USP53: variants seen among roughly 807,000 people sequenced by gnomAD.
The protein encoded by USP53 is ubiquitin carboxyl-terminal hydrolase 53.
Under a neutral mutation model 94.9 loss-of-function variants are expected in USP53, and 71 were observed. The ratio of observed to expected loss-of-function variants is 0.75; its 90% CI spans 0.62 to 0.91. USP53 has a LOEUF of 0.91. USP53 is among the 40% of genes least tolerant of loss of function. The probability of loss-of-function intolerance (pLI) is 0.00; values close to 1 mark genes in which losing one functional copy is unlikely to be tolerated. For missense variants in USP53, 1,173 were observed against 1,281.0 expected, an observed-to-expected ratio of 0.92 and a Z score of 1.29; for synonymous variants, 375 against 422.7, an observed-to-expected ratio of 0.89 and a Z score of 1.39.
chr4:119,278,316 C>T (rs973963880), intron 17 of USP53, among the ~76,000 whole-genome samples: 10 of 151,936 alleles, frequency 6.6e-5, no homozygotes, highest in Admixed American at 3.9e-4. Context: ...AATCGGTCAG[C>T]ATTTGCTTGT....
At chr4:119,266,602 G>T (rs1751159198) in intron 12 of USP53, among the ~76,000 whole-genome samples, 1 of 151,644 alleles carries the variant, frequency 6.6e-6, no homozygotes, top group South Asian at 2.1e-4. Flanking sequence ...TCTTTCTTTT[G>T]GTGAAATGTC....
chr4:119,248,256 G>T (rs969039936), intron 6 of USP53, among the ~76,000 whole-genome samples: 6 of 152,056 alleles, frequency 3.9e-5, no homozygotes, highest in African/African-American at 7.3e-5. Context: ...AATACAGGTT[G>T]GGTATCTCTT....
intron 3 of USP53, among the ~76,000 whole-genome samples, chr4:119,229,446 C>G (rs1398113186): frequency 6.6e-6 from 1 of 151,458 alleles, no homozygotes; most frequent in East Asian, 1.9e-4. Context: ...GGGTCTCTCC[C>G]CTTGAATGTT....
chr4:119,268,216 T>A (rs370810026), intron 13 of USP53, 52 bp from the exon 14 acceptor site: 277 of 1,182,608 alleles, frequency 2.3e-4, no homozygotes, highest in Non-Finnish European at 3.0e-4. Flanking sequence ...GATTCAAACA[T>A]CTCTTCTCAT....
chr4:119,273,691 G>T lies in USP53; in HGVS notation c.2234G>T (p.Ser745Ile), dbSNP rs745365270. 1.2e-6 allele frequency: 2 copies of T among 1,611,700 alleles called. No individual in the cohort carries two copies. The highest frequency in any genetic ancestry group is 1.7e-6 in the Non-Finnish European group (2 of 1,178,738). The change falls in exon 17 of 19, where the codon AGC (serine) becomes ATC (isoleucine). Residue 745 changes from serine (S) to isoleucine (I), a missense_variant. Physicochemically the swap from Ser to Ile is moderately radical, Grantham distance 142. Transcript: ENST00000692078. ...CGTGGGGACTGTACCTCCCTTCAGA[G>T]CCAACATCACTTAGAAGGTAAAAAA... ...KERGDCTSLQ[S>I]QHHLEGFRKE...
intron 5 of USP53, among the ~76,000 whole-genome samples, chr4:119,240,940 A>G (rs77878973): frequency 0.01 from 1,558 of 152,306 alleles, 28 homozygotes; most frequent in African/African-American, 0.035. Flanking sequence ...AATGCAGAAA[A>G]ATATTTATTC....
chr4:119,238,456 T>C (rs542173954), intron 4 of USP53, among the ~76,000 whole-genome samples: 9 of 152,142 alleles, frequency 5.9e-5, no homozygotes, highest in Non-Finnish European at 1.3e-4. Flanking sequence ...GTGGTTCATA[T>C]TGCCTGAAAA....
rs368343296 is a variant in USP53, at chr4:119,292,522, G to A, written c.2533G>A (p.Val845Ile). 7.4e-5 allele frequency: 120 copies of A among 1,613,836 alleles called. No homozygotes were observed. The highest frequency in any genetic ancestry group is 1.2e-4 in the African/African-American group (9 of 74,886). Residue 845 changes from valine (V) to isoleucine (I), a missense_variant, in exon 19 of 19, where the codon GTT becomes ATT. Transcript: ENST00000692078. ...TGAGAGAACAGGTTTGCCTTTTCAC[G>A]TTGATAACTCTGCTTCTGGGAAGAG... is the stretch of plus-strand genomic sequence containing the variant. ...NSERTGLPFH[V>I]DNSASGKRVN...
chr4:119,252,461 G>T (rs1239571869), intron 7 of USP53, among the ~76,000 whole-genome samples: 1 of 152,068 alleles, frequency 6.6e-6, no homozygotes, highest in Non-Finnish European at 1.5e-5. Context: ...TTTAGTCTTG[G>T]GAGGGTGTAT....
intron 7 of USP53, among the ~76,000 whole-genome samples, chr4:119,254,739 G>A (rs142588039): frequency 1.1e-4 from 16 of 152,048 alleles, no homozygotes; most frequent in South Asian, 4.2e-4. Flanking sequence ...CTTCAAACTC[G>A]TTCTCCGACC....
chr4:119,232,330 ACTAT>A (rs1291021233), intron 3 of USP53, among the ~76,000 whole-genome samples: 1 of 152,134 alleles, frequency 6.6e-6, no homozygotes, highest in Non-Finnish European at 1.5e-5. Context: ...ACATTAATCT[ACTAT>A]CTATCTTAGT....
At position 119,292,671 on chromosome 4, in the gene USP53, T is replaced by C. The variant is rs1054989394; in HGVS notation, c.2682T>C (p.Ser894=). ...TGGATCAATGTTACTTTGAGAACTC[T>C]CTATCCACAGAATGTATAATTCGGT... ...NIMDQCYFEN[S]LSTECIIRSA... Residue 894 remains serine (S), a synonymous_variant, in exon 19 of 19, where the codon TCT becomes TCC. Coordinates refer to ENST00000692078, the MANE Select transcript of USP53 (RefSeq NM_001371395.1). The C allele has an allele frequency of 1.2e-6, 2 of 1,614,124 alleles. No homozygotes were observed. The highest frequency in any genetic ancestry group is 1.7e-5 in the Admixed American group (1 of 60,024).
intron 3 of USP53, among the ~76,000 whole-genome samples, chr4:119,228,627 A>G (rs1288893353): frequency 2.0e-5 from 3 of 152,170 alleles, no homozygotes; most frequent in Non-Finnish European, 4.4e-5. Flanking sequence ...GAAGGGGCAC[A>G]GGAGAGCTTC....
At chr4:119,292,234 AC>A in intron 18 of USP53, 103 bp from the exon 19 acceptor site, 1 of 1,251,804 alleles carries the variant, frequency 8.0e-7, no homozygotes, top group Non-Finnish European at 1.1e-6. Context: ...AATAATATAA[AC>A]TGTATTTTGG....
intron 7 of USP53, among the ~76,000 whole-genome samples, chr4:119,251,115 T>G (rs538818492): frequency 1.3e-4 from 19 of 149,328 alleles, no homozygotes; most frequent in African/African-American, 3.9e-4. Context: ...CCATGTGTTC[T>G]CATTGTTCAA....
intron 17 of USP53, among the ~76,000 whole-genome samples, chr4:119,282,387 T>C (rs936024058): frequency 3.3e-5 from 5 of 152,092 alleles, no homozygotes; most frequent in Non-Finnish European, 2.9e-5. Flanking sequence ...TTTCAAGAAC[T>C]GCTGTACTAT....
chr4:119,245,637 A>G (rs1022961627), intron 6 of USP53, among the ~76,000 whole-genome samples: 5 of 152,214 alleles, frequency 3.3e-5, no homozygotes, highest in Non-Finnish European at 7.3e-5. Flanking sequence ...TATTCTAAGT[A>G]GTATAAAATT....
At chr4:119,216,328 C>T (rs1743748004) in intron 2 of USP53, among the ~76,000 whole-genome samples, 1 of 151,644 alleles carries the variant, frequency 6.6e-6, no homozygotes, top group African/African-American at 2.4e-5. Context: ...TTGCAGTTAG[C>T]TGAGATTGTG....
At position 119,291,254 on chromosome 4, in the gene USP53, A is replaced by G; in HGVS notation, c.2341A>G (p.Ile781Val). 1 of 1,508,148 alleles carries G rather than the reference A, an allele frequency of 6.6e-7. No individual in the cohort carries two copies. Among genetic ancestry groups the G allele is most frequent in the Non-Finnish European group, 8.9e-7 (1 of 1,118,802 alleles). The allele number at this position is 1,508,148 out of a possible 1,614,324, so 93.4% of individuals were successfully genotyped here. The change falls in exon 18 of 19, where the codon ATA (isoleucine) becomes GTA (valine). Residue 781 changes from isoleucine (I) to valine (V), a missense_variant. Physicochemically the swap from Ile to Val is conservative, Grantham distance 29. Coordinates refer to ENST00000692078, the MANE Select transcript of USP53 (RefSeq NM_001371395.1). Reference protein sequence around the residue: ...ESHLQIKNHLIKRSHVHEDNG... With the variant: ...ESHLQIKNHLVKRSHVHEDNG... ...ACATTTACAAATAAAAAATCATTTG[A>G]TAAAAAGGTAACCATATTTTTTTTC...
Sources: allele counts gnomAD v4.1 joint callset (sites outside exome capture counted in the v4.1 genomes callset), GRCh38; gene constraint gnomAD v4.1.1; transcripts MANE v1.5; gene names NCBI Gene and HGNC (gene_info 2026-07-23, HGNC 2026-07-21).